Variants in KPNA7 observed in about 807,000 individuals in gnomAD.
KPNA7 encodes importin subunit alpha-8.
In KPNA7, 54 loss-of-function variants were observed where a neutral mutation model predicts 53.7. The observed-to-expected ratio is 1.01, with a 90% CI of 0.81 to 1.26. The LOEUF (loss-of-function observed/expected upper bound fraction) is 1.26, where lower values mean the gene tolerates loss of function less well. Ranked by LOEUF, KPNA7 falls within the 50% of genes most tolerant of loss-of-function variation. The probability of loss-of-function intolerance (pLI) is 0.00; values close to 1 mark genes in which losing one functional copy is unlikely to be tolerated. For missense variants in KPNA7, 640 were observed against 644.5 expected, an observed-to-expected ratio of 0.99 and a Z score of 0.07; for synonymous variants, 276 against 259.3, an observed-to-expected ratio of 1.06 and a Z score of -0.62.
chr7:99,198,271 C>G (rs995245445), intron 3 of KPNA7, among the ~76,000 whole-genome samples: 1 of 151,956 alleles, frequency 6.6e-6, no homozygotes, highest in Non-Finnish European at 1.5e-5. Context: ...AAAAAAAATT[C>G]TCACTCATTC....
chr7:99,161,199 G>T, the KPNA7 span, among the ~76,000 whole-genome samples: 1 of 147,908 alleles, frequency 6.8e-6, no homozygotes, highest in African/African-American at 2.5e-5. Context: ...CTGTCTTGGG[G>T]ATTCTGTCTC....
the KPNA7 span, among the ~76,000 whole-genome samples, chr7:99,151,617 T>TA: frequency 0.012 from 1,721 of 148,690 alleles, 30 homozygotes; most frequent in African/African-American, 0.041. Context: ...CCTGGCTAAT[T>TA]AAAAAAAAAA....
intron 9 of KPNA7, 96 bp downstream of exon 9, chr7:99,181,787 C>T (rs1455812652): frequency 8.9e-7 from 1 of 1,127,090 alleles, no homozygotes; most frequent in Admixed American, 3.1e-5. Flanking sequence ...CTGTCTCAGC[C>T]TCCCAAAGTA....
chr7:99,215,369 C>CAAAAAAAAAAA (rs533680824), intron 1 of KPNA7, among the ~76,000 whole-genome samples: 2 of 52,056 alleles, frequency 3.8e-5, no homozygotes, highest in African/African-American at 1.5e-4. Context: ...GAGACTGTCT[C>CAAAAAAAAAAA]AAAAAAAAAA....
chr7:99,150,421 C>CTTTTTTTT, the KPNA7 span, among the ~76,000 whole-genome samples: 29 of 14,896 alleles, frequency 1.9e-3, no homozygotes, highest in Admixed American at 4.0e-3. Context: ...AATCATTCTT[C>CTTTTTTTT]TCTTTTTTTT....
chr7:99,157,784 T>C, the KPNA7 span, among the ~76,000 whole-genome samples: 1 of 152,140 alleles, frequency 6.6e-6, no homozygotes, highest in African/African-American at 2.4e-5. Flanking sequence ...TAGATGTAAC[T>C]TTTGTTTTTT....
At chr7:99,185,606 C>T (rs1789539503) in intron 7 of KPNA7, among the ~76,000 whole-genome samples, 1 of 151,810 alleles carries the variant, frequency 6.6e-6, no homozygotes, top group Admixed American at 6.6e-5. Flanking sequence ...GCTGGGATTA[C>T]AATCATGAGC....
chr7:99,173,761 CTTGGCTCAGTAAAGT>C lies in KPNA7; in HGVS notation c.1483_1497del (p.Thr495_Gln499del). 6.4e-7 allele frequency: 1 copy of C among 1,551,744 alleles called. No homozygotes were observed. On this transcript the variant is annotated inframe_deletion, in exon 11 of 11. Coordinates refer to ENST00000327442, the MANE Select transcript of KPNA7 (RefSeq NM_001145715.3). ...ATAAATTCATAATCTTGGTCTATGA[CTTGGCTCAGTAAAGT>C]TTGGCTCTCATCTTCTTCCTTCAGG...
chr7:99,176,773 G>A (rs1041285771), intron 10 of KPNA7, among the ~76,000 whole-genome samples: 1 of 152,128 alleles, frequency 6.6e-6, no homozygotes, highest in Non-Finnish European at 1.5e-5. Flanking sequence ...CAGCTACTTG[G>A]GAGCCTGAGG....
At chr7:99,152,088 G>A in the KPNA7 span, among the ~76,000 whole-genome samples, 3 of 152,138 alleles carry the variant, frequency 2.0e-5, no homozygotes, top group African/African-American at 7.2e-5. Flanking sequence ...GGAAGCTGAG[G>A]CAGGAATATC....
intron 9 of KPNA7, 106 bp downstream of exon 9, chr7:99,181,777 C>T (rs1799282112): frequency 3.0e-6 from 3 of 989,288 alleles, no homozygotes; most frequent in Non-Finnish European, 4.3e-6. Flanking sequence ...GGTGATCCAC[C>T]TGTCTCAGCC....
the KPNA7 span, among the ~76,000 whole-genome samples, chr7:99,152,249 T>C: frequency 6.6e-6 from 1 of 151,246 alleles, no homozygotes; most frequent in South Asian, 2.1e-4. Context: ...ATAATCCCAG[T>C]TACACGGGAG....
Position 99,188,422 on chromosome 7 carries a change from C to T in KPNA7, c.778G>A (p.Asp260Asn), listed in dbSNP as rs1789744686. The T allele has an allele frequency of 1.3e-6, 2 of 1,551,458 alleles. No homozygotes were observed. The highest frequency in any genetic ancestry group is 2.7e-5 in the African/African-American group (2 of 72,982). Residue 260 changes from aspartate (D) to asparagine (N), a missense_variant, in exon 7 of 11, where the codon GAT becomes AAT. Asp to Asn is a conservative substitution (Grantham distance 23). Coordinates refer to ENST00000327442, the MANE Select transcript of KPNA7 (RefSeq NM_001145715.3). Reference sequence around the variant, plus strand: ...AGGTAGGACAGTGCCCAGCAGGCATCCGAGAGAACCTCACTGTCCTGGTGC... The same window carrying T: ...AGGTAGGACAGTGCCCAGCAGGCATTCGAGAGAACCTCACTGTCCTGGTGC... ...LQHQDSEVLS[D>N]ACWALSYLTD... is the part of the protein sequence containing the mutation.
At position 99,188,522 on chromosome 7, in the gene KPNA7, C is replaced by T. The variant is rs1789759110; in HGVS notation, c.678G>A (p.Leu226=). The part of the protein sequence containing the change: ...LRNITWTLSN[L]CRNKNPYPCD... ...AAGGGTATGGGTTCTTGTTTCGGCACAGATTCGACAAGGTCCACGTGATGT... is the reference window on the plus strand; with the variant it reads ...AAGGGTATGGGTTCTTGTTTCGGCATAGATTCGACAAGGTCCACGTGATGT... The change falls in exon 7 of 11, where the codon CTG becomes CTA. Residue 226 remains leucine (L), a synonymous_variant. Coordinates refer to ENST00000327442, the MANE Select transcript of KPNA7 (RefSeq NM_001145715.3). 2.6e-6 allele frequency: 4 copies of T among 1,551,712 alleles called. No individual in the cohort carries two copies. Among genetic ancestry groups the T allele is most frequent in the Non-Finnish European group, 3.5e-6 (4 of 1,147,002 alleles).
chr7:99,191,778 T>C (rs1030498139), intron 6 of KPNA7, among the ~76,000 whole-genome samples: 1 of 152,130 alleles, frequency 6.6e-6, no homozygotes, highest in South Asian at 2.1e-4. Context: ...GCCTCCCAAG[T>C]AGCTGGGACT....
chr7:99,172,673 C>T (rs1798790065), downstream of KPNA7, among the ~76,000 whole-genome samples: 1 of 152,152 alleles, frequency 6.6e-6, no homozygotes, highest in Admixed American at 6.6e-5. Flanking sequence ...TATCTTAGAT[C>T]TTGTCAGTGT....
At chr7:99,202,508 G>A (rs374440861) in intron 3 of KPNA7, among the ~76,000 whole-genome samples, 11 of 151,980 alleles carry the variant, frequency 7.2e-5, no homozygotes, top group South Asian at 6.2e-4. Flanking sequence ...TCATTTCCTC[G>A]GTTTTCAGGC....
At chr7:99,175,576 C>T (rs1317273884) in intron 10 of KPNA7, among the ~76,000 whole-genome samples, 3 of 151,824 alleles carry the variant, frequency 2.0e-5, no homozygotes, top group African/African-American at 7.3e-5. Context: ...AATACAGTGG[C>T]ACCATCTTGG....
the KPNA7 span, among the ~76,000 whole-genome samples, chr7:99,158,189 C>G: frequency 1.3e-5 from 2 of 151,750 alleles, no homozygotes; most frequent in Non-Finnish European, 2.9e-5. Flanking sequence ...CCAACTGGAT[C>G]TTTTTTTTAA....
Sources: gnomAD v4.1 joint callset for allele counts (sites outside exome capture counted in the v4.1 genomes callset) on GRCh38, gnomAD v4.1.1 for gene constraint, MANE v1.5 for transcripts, NCBI Gene and HGNC (gene_info 2026-07-23, HGNC 2026-07-21) for gene names.